SLIT2: variants seen among roughly 807,000 people sequenced by gnomAD.
SLIT2 encodes the protein slit homolog 2 protein.
Under a neutral mutation model 185.7 loss-of-function variants are expected in SLIT2, and 41 were observed. That is an observed-to-expected ratio of 0.22 (90% CI 0.17 to 0.29). The LOEUF (loss-of-function observed/expected upper bound fraction) is 0.29. Ranked by LOEUF, SLIT2 falls within the 10% of genes least tolerant of loss-of-function variation. SLIT2 has a pLI of 1.00. For missense variants in SLIT2, 1,571 were observed against 1,909.0 expected, an observed-to-expected ratio of 0.82 and a Z score of 3.30; for synonymous variants, 693 against 680.2, an observed-to-expected ratio of 1.02 and a Z score of -0.29.
intron 17 of SLIT2, among the ~76,000 whole-genome samples, chr4:20,532,756 G>T (rs1173642553): frequency 6.6e-6 from 1 of 152,162 alleles, no homozygotes; most frequent in East Asian, 1.9e-4. Flanking sequence ...TGTACAGATG[G>T]CATCCATATT....
chr4:20,288,917 C>G (rs1715534998), intron 4 of SLIT2, among the ~76,000 whole-genome samples: 1 of 152,182 alleles, frequency 6.6e-6, no homozygotes, highest in African/African-American at 2.4e-5. Flanking sequence ...GGAGATATCT[C>G]CCCTCAAGAT....
intron 29 of SLIT2, among the ~76,000 whole-genome samples, chr4:20,579,479 C>T (rs957480035): frequency 1.3e-4 from 20 of 152,110 alleles, no homozygotes; most frequent in African/African-American, 4.6e-4. Context: ...GTTTCTAGGC[C>T]GGGATGCTAC....
Position 20,524,105 on chromosome 4 carries a change from C to T in SLIT2, c.1366C>T (p.Arg456Cys), listed in dbSNP as rs1440923570. The change falls in exon 14 of 37, where the codon CGT (arginine) becomes TGT (cysteine). Residue 456 changes from arginine (R) to cysteine (C), a missense_variant. Physicochemically the swap from Arg to Cys is radical, Grantham distance 180. This residue lies in a region of SLIT2 where 1,202 missense variants were observed against 1,416.4 expected (regional missense o/e 0.85). Transcript: ENST00000504154. ...HTNPIETSGARCTSPRRLANK... is the reference protein window; with the variant it reads ...HTNPIETSGACCTSPRRLANK... Reference sequence around the variant, plus strand: ...CAACCCGATTGAGACCAGTGGTGCCCGTTGCACCAGCCCCCGCCGCCTGGC... The same window carrying T: ...CAACCCGATTGAGACCAGTGGTGCCTGTTGCACCAGCCCCCGCCGCCTGGC... 1.9e-6 allele frequency: 3 copies of T among 1,613,946 alleles called. No individual in the cohort carries two copies. Among genetic ancestry groups the T allele is most frequent in the African/African-American group, 1.3e-5 (1 of 75,020 alleles).
intron 9 of SLIT2, among the ~76,000 whole-genome samples, chr4:20,498,735 A>T (rs1056463219): frequency 1.3e-5 from 2 of 152,246 alleles, no homozygotes; most frequent in African/African-American, 4.8e-5. Context: ...ATGTTGCTGG[A>T]GAGGACATGA....
chr4:20,255,183 C>T (rs1323203249), intron 1 of SLIT2: 2 of 388,518 alleles, frequency 5.1e-6, no homozygotes, highest in Admixed American at 3.1e-5. Flanking sequence ...CTCTTTGCCC[C>T]CGGGGTGTAA....
intron 4 of SLIT2, among the ~76,000 whole-genome samples, chr4:20,364,708 T>G (rs1315424241): frequency 8.2e-6 from 1 of 121,282 alleles, no homozygotes; most frequent in African/African-American, 3.1e-5. Flanking sequence ...GTGTTTTCAG[T>G]GATCTAATTA....
chr4:20,567,425 T>C lies in SLIT2; in HGVS notation c.2850+39T>C, dbSNP rs202084528. ...CTTTAAGAGTCACAGTTTGAGAGCATAACTTTTCTTGGTGTGCCTTTATTA... is the reference window on the plus strand; with the variant it reads ...CTTTAAGAGTCACAGTTTGAGAGCACAACTTTTCTTGGTGTGCCTTTATTA... On this transcript the variant is annotated intron_variant, in intron 27 of 36. Transcript: ENST00000504154. 3.5e-4 allele frequency: 558 copies of C among 1,612,682 alleles called. 4 individuals carry two copies. In the African/African-American group the frequency reaches 6.7e-3, roughly 19 times the overall value.
intron 35 of SLIT2, 88 bp from the exon 36 acceptor site, chr4:20,617,351 C>T: frequency 2.1e-6 from 3 of 1,421,738 alleles, no homozygotes; most frequent in Non-Finnish European, 2.9e-6. Flanking sequence ...CATATTTTCT[C>T]AATCATCCTC....
At chr4:20,436,040 C>T (rs1361271197) in intron 4 of SLIT2, among the ~76,000 whole-genome samples, 1 of 152,166 alleles carries the variant, frequency 6.6e-6, no homozygotes, top group Non-Finnish European at 1.5e-5. Flanking sequence ...ATGCTTCTTA[C>T]AAAGTATAAT....
intron 33 of SLIT2, among the ~76,000 whole-genome samples, chr4:20,600,187 A>G (rs746830000): frequency 5.9e-5 from 9 of 152,010 alleles, no homozygotes; most frequent in Non-Finnish European, 1.3e-4. Context: ...ATGGTGCAGC[A>G]CAGAACTCTC....
intron 34 of SLIT2, among the ~76,000 whole-genome samples, 184 bp downstream of exon 34, chr4:20,610,351 A>T (rs1378799872): frequency 6.6e-6 from 1 of 152,226 alleles, no homozygotes; most frequent in African/African-American, 2.4e-5. Context: ...GGATCATTTT[A>T]TTATCCCATC....
At chr4:20,444,331 G>A (rs1711537090) in intron 4 of SLIT2, among the ~76,000 whole-genome samples, 1 of 152,082 alleles carries the variant, frequency 6.6e-6, no homozygotes, top group South Asian at 2.1e-4. Context: ...ACACCCTAAT[G>A]TGTAAGAATG....
intron 4 of SLIT2, among the ~76,000 whole-genome samples, chr4:20,345,745 A>G (rs1208383149): frequency 6.6e-6 from 1 of 151,878 alleles, no homozygotes; most frequent in Non-Finnish European, 1.5e-5. Context: ...CATGTTGGCC[A>G]GAATGGTCTC....
intron 4 of SLIT2, among the ~76,000 whole-genome samples, chr4:20,327,247 T>C (rs1232716540): frequency 6.6e-6 from 1 of 151,996 alleles, no homozygotes; most frequent in Non-Finnish European, 1.5e-5. Context: ...ACATTAAACA[T>C]GGGCCAGCAG....
chr4:20,289,447 T>C (rs1018491039), intron 4 of SLIT2, among the ~76,000 whole-genome samples: 1 of 152,238 alleles, frequency 6.6e-6, no homozygotes, highest in African/African-American at 2.4e-5. Flanking sequence ...TTGTCTCATC[T>C]AGACTCCAGT....
At chr4:20,298,564 G>A (rs2109099959) in intron 4 of SLIT2, among the ~76,000 whole-genome samples, 1 of 152,230 alleles carries the variant, frequency 6.6e-6, no homozygotes, top group Middle Eastern at 3.4e-3. Flanking sequence ...CTCTTTAAAG[G>A]AAAAACAATC....
chr4:20,501,938 T>G (rs552597057), intron 9 of SLIT2, among the ~76,000 whole-genome samples: 2 of 152,204 alleles, frequency 1.3e-5, no homozygotes, highest in African/African-American at 4.8e-5. Flanking sequence ...CATGAAGACT[T>G]TGTGTTCATG....
chr4:20,258,334 G>A (rs929004053), intron 3 of SLIT2, among the ~76,000 whole-genome samples: 5 of 151,638 alleles, frequency 3.3e-5, no homozygotes, highest in African/African-American at 7.2e-5. Flanking sequence ...CATTTTCATG[G>A]TGGTGCTTTG....
At chr4:20,548,217 G>A (rs1437497052) in intron 22 of SLIT2, among the ~76,000 whole-genome samples, 1 of 152,082 alleles carries the variant, frequency 6.6e-6, no homozygotes, top group African/African-American at 2.4e-5. Context: ...CTGCTGCTTT[G>A]AAGTGAACCA....
Sources: gnomAD v4.1 joint callset for allele counts (sites outside exome capture counted in the v4.1 genomes callset) on GRCh38, gnomAD v4.1.1 for gene constraint, gnomAD v4.1.1 regional missense constraint, MANE v1.5 for transcripts, NCBI Gene and HGNC (gene_info 2026-07-23, HGNC 2026-07-21) for gene names.